SPG11: variants seen among roughly 807,000 people sequenced by gnomAD.
SPG11 encodes SPG11 vesicle trafficking associated, spatacsin.
Under a neutral mutation model 274.0 loss-of-function variants are expected in SPG11, and 222 were observed. The observed-to-expected ratio is 0.81, with a 90% confidence interval of 0.73 to 0.91. SPG11 has a LOEUF of 0.91. SPG11 is among the 40% of genes least tolerant of loss of function. SPG11 has a pLI of 0.00. For missense variants in SPG11, 3,114 were observed against 2,872.7 expected (o/e 1.08, Z -1.92); for synonymous variants, 1,144 against 1,039.7 (o/e 1.10, Z -1.93).
At position 44,584,266 on chromosome 15, in the gene SPG11, C is replaced by G. The variant is rs775768037; in HGVS notation, c.5414G>C (p.Arg1805Pro). Residue 1805 changes from arginine (R) to proline (P), a missense_variant, in exon 30 of 40, where the codon CGC (arginine) becomes CCC (proline). Transcript: ENST00000261866. ...EELEKQIWLC[R>P]ITQHTLGRNQ... ...TCTTCCAAGAGTGTGCTGGGTGATGCGGCACAGCCAGATCTGCTTCTCCAG... is the reference window on the plus strand; with the variant it reads ...TCTTCCAAGAGTGTGCTGGGTGATGGGGCACAGCCAGATCTGCTTCTCCAG... 2 of 1,613,840 alleles carry G rather than the reference C, an allele frequency of 1.2e-6. No individual in the cohort carries two copies. The highest frequency in any genetic ancestry group is 3.3e-5 in the Admixed American group (2 of 59,984).
At position 44,596,336 on chromosome 15, in the gene SPG11, T is replaced by A; in HGVS notation, c.4181A>T (p.Tyr1394Phe). ...GTGGTCTTGAATGACTGGGCTGAAG[T>A]ACTGGATAAGGGATTTCACCTAGAA... Reference protein sequence around the residue: ...HPAEVKSLIQYFSPVIQDHLR... With the variant: ...HPAEVKSLIQFFSPVIQDHLR... Residue 1394 changes from tyrosine to phenylalanine, a missense_variant, in exon 25 of 40, where the codon TAC becomes TTC. By Grantham distance (22) the Tyr-to-Phe change is conservative (BLOSUM62 3). Transcript: ENST00000261866. The A allele has an allele frequency of 6.2e-7, 1 of 1,614,146 alleles. No homozygotes were observed. Among genetic ancestry groups the A allele is most frequent in the South Asian group, 1.1e-5 (1 of 91,084 alleles).
intron 11 of SPG11, among the ~76,000 whole-genome samples, chr15:44,625,361 T>A (rs944166186): frequency 1.3e-5 from 2 of 152,150 alleles, no homozygotes; most frequent in Non-Finnish European, 2.9e-5. Context: ...TCATGTTGAA[T>A]TGTAACCCCC....
chr15:44,586,216 G>A (rs1283389407), intron 28 of SPG11, among the ~76,000 whole-genome samples: 4 of 151,092 alleles, frequency 2.6e-5, no homozygotes, highest in African/African-American at 9.7e-5. Context: ...ACCGTGCCCG[G>A]ACAAAAAAAA....
chr15:44,634,912 TAAAC>T (rs944662976), intron 7 of SPG11, among the ~76,000 whole-genome samples: 4 of 152,024 alleles, frequency 2.6e-5, no homozygotes, highest in African/African-American at 9.7e-5. Context: ...AAAAATAAAA[TAAAC>T]ATTTTTTTTT....
At chr15:44,631,762 C>G (rs139134265) in intron 8 of SPG11, among the ~76,000 whole-genome samples, 2,585 of 148,960 alleles carry the variant, frequency 0.017, 41 homozygotes, top group Non-Finnish European at 0.025. Context: ...GCCTGGGCCT[C>G]CCAAAGTGTT....
At chr15:44,573,468 A>T in intron 32 of SPG11, 79 bp downstream of exon 32, 1 of 1,478,044 alleles carries the variant, frequency 6.8e-7, no homozygotes, top group Non-Finnish European at 9.4e-7. Context: ...GATGTATATA[A>T]GCACAACATC....
chr15:44,659,254 T>C lies in SPG11; in HGVS notation c.492A>G (p.Ser164=). ...LRILSFHNNT[S]LLFINKCVIL... Reference sequence around the variant, plus strand: ...TGACACATTTGTTGATGAACAGTAATGATGTGTTATTGTGAAATGACAGGA... The same window carrying C: ...TGACACATTTGTTGATGAACAGTAACGATGTGTTATTGTGAAATGACAGGA... The change falls in exon 3 of 40, where the codon TCA becomes TCG. Residue 164 remains serine, a synonymous_variant. Coordinates refer to ENST00000261866, the MANE Select transcript of SPG11 (RefSeq NM_025137.4). 1.2e-6 allele frequency: 2 copies of C among 1,614,132 alleles called. No individual in the cohort carries two copies. Among genetic ancestry groups the C allele is most frequent in the Non-Finnish European group, 1.7e-6 (2 of 1,179,952 alleles).
rs575410671 is a variant in SPG11, at chr15:44,606,612, G to C, written c.3454-521C>G. ...GTCAATCAGAAAAGATCTGGCAGCA[G>C]CAAGTAGTGGTTGTTTGGAATTTTT... On this transcript the variant is annotated intron_variant, in intron 19 of 39. Transcript: ENST00000261866. Among the ~76,000 whole-genome samples, 10 of 152,262 alleles carry C rather than the reference G, an allele frequency of 6.6e-5. No individual in the cohort carries two copies. The South Asian group carries it at 1.7e-3, about 25-fold the overall frequency.
chr15:44,650,713 C>G (rs983012590), intron 6 of SPG11, among the ~76,000 whole-genome samples: 3 of 152,076 alleles, frequency 2.0e-5, no homozygotes, highest in Middle Eastern at 3.4e-3. Context: ...CCATAAGTTA[C>G]TATGCAGGAA....
chr15:44,626,921 G>C (rs1367834174), intron 10 of SPG11, among the ~76,000 whole-genome samples: 1 of 151,950 alleles, frequency 6.6e-6, no homozygotes, highest in Non-Finnish European at 1.5e-5. Flanking sequence ...AAGAGGATAA[G>C]TGTTCCAAAA....
At chr15:44,575,293 G>C (rs1469451490) in intron 30 of SPG11, 1 of 466,508 alleles carries the variant, frequency 2.1e-6, no homozygotes, top group African/African-American at 1.9e-5. Context: ...GTGCTCTAGA[G>C]ATCAGCACCA....
Position 44,657,310 on chromosome 15 carries a change from T to G in SPG11, c.668-14A>C. Reference sequence around the variant, plus strand: ...CATCAAAAATGTCTTTTAGTTAGAGTTAAAAGAAAATGCCAGTTTTGTAAG... The same window carrying G: ...CATCAAAAATGTCTTTTAGTTAGAGGTAAAAGAAAATGCCAGTTTTGTAAG... On this transcript the variant is annotated splice_polypyrimidine_tract_variant and intron_variant, in intron 3 of 39. Coordinates refer to ENST00000261866, the MANE Select transcript of SPG11 (RefSeq NM_025137.4). 1 of 1,613,028 alleles carries G rather than the reference T, an allele frequency of 6.2e-7. No homozygotes were observed. Among genetic ancestry groups the G allele is most frequent in the Non-Finnish European group, 8.5e-7 (1 of 1,179,138 alleles).
Position 44,598,650 on chromosome 15 carries a change from G to A in SPG11, c.3873C>T (p.Ser1291=), listed in dbSNP as rs1164299390. ...CTGTACCTACAGACTCTCTGATAAA[G>A]CTGTACTGAGCATCTTCATTTCTGC... ...YKCRNEDAQY[S]FIRESVAEKL... is the part of the protein sequence containing the mutation. The change falls in exon 22 of 40, where the codon AGC becomes AGT. Residue 1291 remains serine, a synonymous_variant. Coordinates refer to ENST00000261866, the MANE Select transcript of SPG11 (RefSeq NM_025137.4). 8 of 1,614,020 alleles carry A rather than the reference G, an allele frequency of 5.0e-6. No homozygotes were observed. The highest frequency in any genetic ancestry group is 1.3e-5 in the African/African-American group (1 of 74,918).
intron 23 of SPG11, 73 bp from the exon 24 acceptor site, chr15:44,597,016 A>G: frequency 6.9e-7 from 1 of 1,441,978 alleles, no homozygotes; most frequent in Non-Finnish European, 9.6e-7. Context: ...TTTAGCTTGA[A>G]CTGGAAAATG....
At chr15:44,654,615 G>A (rs773608392) in intron 4 of SPG11, among the ~76,000 whole-genome samples, 20 of 152,148 alleles carry the variant, frequency 1.3e-4, no homozygotes, top group Admixed American at 2.0e-4. Flanking sequence ...CAAGGTGGGC[G>A]GATCATCTGA....
chr15:44,564,282 T>C (rs2082264726), intron 39 of SPG11, among the ~76,000 whole-genome samples: 1 of 152,184 alleles, frequency 6.6e-6, no homozygotes, highest in Non-Finnish European at 1.5e-5. Flanking sequence ...CATGAGCCAC[T>C]GGGCCTGGCC....
intron 14 of SPG11, 112 bp from the exon 15 acceptor site, chr15:44,620,515 T>C (rs573756903): frequency 1.3e-6 from 1 of 775,192 alleles, no homozygotes; most frequent in East Asian, 2.7e-5. Flanking sequence ...ATTTATACAA[T>C]ATATTAATTA....
intron 26 of SPG11, 101 bp downstream of exon 26, chr15:44,595,158 G>A: frequency 8.5e-7 from 1 of 1,175,412 alleles, no homozygotes; most frequent in South Asian, 1.3e-5. Flanking sequence ...ATCTGTTGTT[G>A]GCTAAAAAAA....
intron 20 of SPG11, chr15:44,604,013 A>G (rs927662708): frequency 1.0e-4 from 30 of 291,636 alleles, no homozygotes; most frequent in African/African-American, 1.8e-4. Flanking sequence ...GTCACGTACT[A>G]TTCAATTGTC....
Sources: allele counts gnomAD v4.1 joint callset (sites outside exome capture counted in the v4.1 genomes callset), GRCh38; gene constraint gnomAD v4.1.1; transcripts MANE v1.5; gene names NCBI Gene and HGNC (gene_info 2026-07-23, HGNC 2026-07-21).